HSPA12A: variants seen among roughly 807,000 people sequenced by gnomAD.
HSPA12A encodes the protein heat shock protein family A (Hsp70) member 12A.
In HSPA12A, 28 loss-of-function variants were observed where a neutral mutation model predicts 69.2. The ratio of observed to expected loss-of-function variants is 0.40; its 90% CI spans 0.30 to 0.55. The LOEUF (loss-of-function observed/expected upper bound fraction) is 0.55. Ranked by LOEUF, HSPA12A falls within the 20% of genes least tolerant of loss-of-function variation. The pLI is 0.38. For missense variants in HSPA12A, 686 were observed against 900.7 expected (o/e 0.76, Z 3.05); for synonymous variants, 345 against 370.5 (o/e 0.93, Z 0.79).
chr10:116,692,998 A>G (rs1380301305), intron 5 of HSPA12A, among the ~76,000 whole-genome samples: 1 of 152,192 alleles, frequency 6.6e-6, no homozygotes, highest in African/African-American at 2.4e-5. Flanking sequence ...TGATATGCTC[A>G]GTACCTTTTT....
At chr10:116,830,825 C>G (rs1349988103) in intron 2 of HSPA12A, 1 of 134,516 alleles carries the variant, frequency 7.4e-6, no homozygotes, top group Non-Finnish European at 1.5e-5. Context: ...AAAAGCCTAT[C>G]TAAATATGCA....
intron 1 of HSPA12A, chr10:116,849,366 G>T: frequency 1.6e-6 from 1 of 615,764 alleles, no homozygotes; most frequent in Non-Finnish European, 2.4e-6. Flanking sequence ...CGGACCTAAT[G>T]CCGCAGGGAG....
At chr10:116,840,659 A>C (rs184858296) in intron 1 of HSPA12A, among the ~76,000 whole-genome samples, 196 of 152,084 alleles carry the variant, frequency 1.3e-3, no homozygotes, top group African/African-American at 4.2e-3. Flanking sequence ...TCAAATGGGA[A>C]CTCTGCTTTT....
intron 2 of HSPA12A, among the ~76,000 whole-genome samples, chr10:116,755,328 G>A (rs1554888652): frequency 9.9e-5 from 15 of 152,036 alleles, no homozygotes. Context: ...TATGAAGGTG[G>A]CGGCTGGGCA....
intron 10 of HSPA12A, among the ~76,000 whole-genome samples, chr10:116,677,826 C>T (rs1165197485): frequency 2.6e-5 from 4 of 152,096 alleles, no homozygotes; most frequent in African/African-American, 4.8e-5. Flanking sequence ...TCCTACTGGC[C>T]GAGATGGGAC....
At chr10:116,750,995 G>C (rs545237624) in intron 2 of HSPA12A, among the ~76,000 whole-genome samples, 13 of 151,614 alleles carry the variant, frequency 8.6e-5, no homozygotes, top group African/African-American at 3.2e-4. Flanking sequence ...GGACGAGGAG[G>C]AAGAGGAAGA....
At chr10:116,786,254 G>A (rs1844575020) in intron 2 of HSPA12A, among the ~76,000 whole-genome samples, 1 of 152,124 alleles carries the variant, frequency 6.6e-6, no homozygotes, top group Non-Finnish European at 1.5e-5. Flanking sequence ...TTTATGTTAT[G>A]GATCAAACTG....
At chr10:116,683,991 C>T (rs782517155) in intron 6 of HSPA12A, 29 bp from the exon 7 acceptor site, 13 of 1,528,944 alleles carry the variant, frequency 8.5e-6, no homozygotes, top group South Asian at 6.0e-5. Context: ...GGCTGGGACC[C>T]AGGGCCCCCT....
chr10:116,747,981 G>A (rs566983514), intron 2 of HSPA12A, among the ~76,000 whole-genome samples: 4 of 152,128 alleles, frequency 2.6e-5, no homozygotes, highest in South Asian at 2.1e-4. Flanking sequence ...CCTGGGCAAC[G>A]AGAGCAAAAC....
intron 2 of HSPA12A, among the ~76,000 whole-genome samples, chr10:116,820,832 A>G: frequency 6.6e-6 from 1 of 152,018 alleles, no homozygotes; most frequent in Middle Eastern, 3.2e-3. Context: ...ACAGACCCCC[A>G]AACACCTGAT....
At chr10:116,679,381 G>T in intron 10 of HSPA12A, 122 bp downstream of exon 10, 2 of 1,207,382 alleles carry the variant, frequency 1.7e-6, no homozygotes, top group Non-Finnish European at 2.3e-6. Flanking sequence ...TGAGTCCCTT[G>T]CCCAAGGTCA....
intron 1 of HSPA12A, among the ~76,000 whole-genome samples, chr10:116,843,805 C>T (rs556732347): frequency 2.6e-5 from 4 of 152,312 alleles, no homozygotes; most frequent in Non-Finnish European, 4.4e-5. Context: ...CCCATTTAAT[C>T]GGTCTGGGAT....
At chr10:116,839,620 A>AC (rs1845772785) in intron 1 of HSPA12A, among the ~76,000 whole-genome samples, 1 of 151,798 alleles carries the variant, frequency 6.6e-6, no homozygotes, top group Non-Finnish European at 1.5e-5. Context: ...AAAAAAAAAA[A>AC]AAAAAAAAAA....
chr10:116,683,103 T>C (rs2921962), intron 7 of HSPA12A, among the ~76,000 whole-genome samples: 56,395 of 151,372 alleles, frequency 0.37, 11,474 homozygotes, highest in African/African-American at 0.54. Context: ...CATAGTGCTC[T>C]CACTTAGCGC....
At chr10:116,736,528 G>T (rs1257128515) in intron 1 of HSPA12A, among the ~76,000 whole-genome samples, 1 of 152,150 alleles carries the variant, frequency 6.6e-6, no homozygotes, top group African/African-American at 2.4e-5. Flanking sequence ...TCTTGAGATG[G>T]GGAAATGATT....
chr10:116,819,777 A>G (rs1845377304), intron 2 of HSPA12A, among the ~76,000 whole-genome samples: 2 of 152,198 alleles, frequency 1.3e-5, no homozygotes, highest in African/African-American at 4.8e-5. Context: ...TGGAAATGCA[A>G]CTTCTAAGGG....
intron 2 of HSPA12A, among the ~76,000 whole-genome samples, chr10:116,828,488 G>C (rs540135694): frequency 6.6e-6 from 1 of 152,274 alleles, no homozygotes; most frequent in South Asian, 2.1e-4. Context: ...TTCCTGCACT[G>C]TCCTGGGTAG....
chr10:116,819,305 CAG>C (rs1845366686), intron 2 of HSPA12A, among the ~76,000 whole-genome samples: 1 of 152,216 alleles, frequency 6.6e-6, no homozygotes, highest in Non-Finnish European at 1.5e-5. Flanking sequence ...CTACCCACAA[CAG>C]ACAGGGCAGA....
intron 2 of HSPA12A, among the ~76,000 whole-genome samples, chr10:116,770,086 T>C (rs561394152): frequency 6.6e-6 from 1 of 152,328 alleles, no homozygotes; most frequent in East Asian, 1.9e-4. Context: ...GTGCTGAACA[T>C]GCCGTCATAG....
Sources: allele counts gnomAD v4.1 joint callset (sites outside exome capture counted in the v4.1 genomes callset), GRCh38; gene constraint gnomAD v4.1.1; transcripts MANE v1.5; gene names NCBI Gene and HGNC (gene_info 2026-07-23, HGNC 2026-07-21).